The following NLN variants were observed in gnomAD, a reference collection of about 807,000 sequenced individuals.
The protein encoded by NLN is neurolysin, also known as neurolysin, mitochondrial.
NLN carries 64 observed loss-of-function variants against 79.9 expected under a neutral mutation model. The observed-to-expected ratio is 0.80, with a 90% CI of 0.65 to 0.99. The LOEUF (loss-of-function observed/expected upper bound fraction) is 0.99, where lower values mean the gene tolerates loss of function less well. Among genes scored for constraint, NLN ranks in the 50% least tolerant of loss-of-function variants. The pLI is 0.00. For missense variants in NLN, 835 were observed against 858.7 expected, an observed-to-expected ratio of 0.97 and a Z score of 0.34; for synonymous variants, 267 against 296.6, an observed-to-expected ratio of 0.90 and a Z score of 1.02.
chr5:65,776,192 G>T (rs1759675913), intron 3 of NLN, among the ~76,000 whole-genome samples: 1 of 152,214 alleles, frequency 6.6e-6, no homozygotes, highest in African/African-American at 2.4e-5. Context: ...GGCGGAGGTT[G>T]CAGTGAGCTG....
At chr5:65,724,759 T>G (rs1758419792) in intron 1 of NLN, among the ~76,000 whole-genome samples, 1 of 152,082 alleles carries the variant, frequency 6.6e-6, no homozygotes, top group African/African-American at 2.4e-5. Context: ...ATTTCCTGGT[T>G]TTGATAACAG....
intron 12 of NLN, among the ~76,000 whole-genome samples, chr5:65,821,322 T>C (rs1760791934): frequency 6.6e-6 from 1 of 152,170 alleles, no homozygotes; most frequent in South Asian, 2.1e-4. Context: ...CTCTGGGCCC[T>C]AGACCTGTCC....
At chr5:65,810,426 G>A (rs991650017) in intron 11 of NLN, among the ~76,000 whole-genome samples, 1 of 152,242 alleles carries the variant, frequency 6.6e-6, no homozygotes, top group East Asian at 1.9e-4. Context: ...AGCTGGGAGA[G>A]CCATTCGTGT....
chr5:65,810,386 T>C (rs1760518412), intron 11 of NLN, among the ~76,000 whole-genome samples: 1 of 152,210 alleles, frequency 6.6e-6, no homozygotes, highest in African/African-American at 2.4e-5. Flanking sequence ...TTTAGTGTAA[T>C]CAGGCATGAG....
chr5:65,751,631 T>C (rs995093328), intron 1 of NLN, among the ~76,000 whole-genome samples: 2 of 152,158 alleles, frequency 1.3e-5, no homozygotes, highest in African/African-American at 2.4e-5. Context: ...TGAGAGGAAG[T>C]AGAGGACTTT....
At chr5:65,746,232 TA>T (rs1331201678) in intron 1 of NLN, among the ~76,000 whole-genome samples, 1 of 151,154 alleles carries the variant, frequency 6.6e-6, no homozygotes, top group East Asian at 1.9e-4. Flanking sequence ...AAACAAAACC[TA>T]AAAAAAGACA....
At chr5:65,753,428 C>T (rs1012347631) in intron 1 of NLN, among the ~76,000 whole-genome samples, 18 of 152,056 alleles carry the variant, frequency 1.2e-4, no homozygotes, top group African/African-American at 4.3e-4. Flanking sequence ...GTGGGCGGAT[C>T]ACTTCCGGTT....
intron 1 of NLN, among the ~76,000 whole-genome samples, chr5:65,733,865 A>G (rs1758666635): frequency 1.5e-5 from 2 of 132,890 alleles, no homozygotes; most frequent in Non-Finnish European, 3.3e-5. Context: ...TGTTACTGGC[A>G]TGCACCACCA....
intron 8 of NLN, among the ~76,000 whole-genome samples, chr5:65,788,706 T>A (rs1339473929): frequency 6.6e-6 from 1 of 152,094 alleles, no homozygotes; most frequent in Non-Finnish European, 1.5e-5. Context: ...GTGTGGTGGC[T>A]CATGCCTGTA....
intron 3 of NLN, among the ~76,000 whole-genome samples, chr5:65,766,860 G>T (rs1049999425): frequency 6.6e-6 from 1 of 152,234 alleles, no homozygotes; most frequent in Non-Finnish European, 1.5e-5. Context: ...CCCTATGCAA[G>T]TCCAAAACCT....
intron 1 of NLN, among the ~76,000 whole-genome samples, chr5:65,740,714 C>T (rs1758848778): frequency 6.6e-6 from 1 of 151,654 alleles, no homozygotes; most frequent in Admixed American, 6.6e-5. Flanking sequence ...AATCGGTTGG[C>T]CATAAATGTG....
chr5:65,780,790 C>G (rs1328457055), intron 5 of NLN, among the ~76,000 whole-genome samples: 1 of 152,218 alleles, frequency 6.6e-6, no homozygotes, highest in African/African-American at 2.4e-5. Context: ...TCTCTTGCCT[C>G]AGCCTCCCAA....
At chr5:65,775,995 G>A (rs1271886195) in intron 3 of NLN, among the ~76,000 whole-genome samples, 1 of 152,190 alleles carries the variant, frequency 6.6e-6, no homozygotes, top group Non-Finnish European at 1.5e-5. Context: ...ACTCAAACCT[G>A]CAATCCCAGC....
chr5:65,799,148 C>T (rs1760229230), intron 9 of NLN, among the ~76,000 whole-genome samples: 1 of 152,170 alleles, frequency 6.6e-6, no homozygotes, highest in South Asian at 2.1e-4. Flanking sequence ...TCCCAAAATG[C>T]TGGGATTACA....
At chr5:65,732,980 G>A (rs1425959353) in intron 1 of NLN, 10 of 669,294 alleles carry the variant, frequency 1.5e-5, no homozygotes, top group Middle Eastern at 4.7e-4. Context: ...TAACACCTGT[G>A]TGGTAGTAAG....
In NLN at chr5:65,793,603, G is replaced by A. The variant is rs1760111875; in HGVS notation, c.1527+948G>A. ...GCCATGATTGTGCCACTGCACCACAGCCTGGGTGACAGAGCAGACCTTGAC... is the reference window on the plus strand; with the variant it reads ...GCCATGATTGTGCCACTGCACCACAACCTGGGTGACAGAGCAGACCTTGAC... On this transcript the variant is annotated intron_variant, in intron 9 of 12. Coordinates refer to ENST00000380985, the MANE Select transcript of NLN (RefSeq NM_020726.5). 2.0e-5 allele frequency: 3 copies of A among 150,206 alleles called. No individual in the cohort carries two copies. In the South Asian group the frequency reaches 6.3e-4, roughly 31 times the overall value. 9.3% of individuals were successfully genotyped at this position (150,206 alleles called of 1,614,324 possible).
Position 65,809,001 on chromosome 5 carries a change from AGTT to A in NLN, c.1528-513_1528-511del, listed in dbSNP as rs1434110684. ...AATTAATTTTGGTTAAGACCTAAGTAGTTAAGACCTAAGCAATAGAGTGATGAG... is the reference window on the plus strand; with the variant it reads ...AATTAATTTTGGTTAAGACCTAAGTAAAGACCTAAGCAATAGAGTGATGAG... On this transcript the variant is annotated intron_variant, in intron 9 of 12. Coordinates refer to ENST00000380985, the MANE Select transcript of NLN (RefSeq NM_020726.5). The A allele has an allele frequency of 2.0e-5, 3 of 152,486 alleles. No individual in the cohort carries two copies. The East Asian group carries it at 5.8e-4, about 29-fold the overall frequency. The allele number at this position is 152,486 out of a possible 1,614,324, so 9.4% of individuals were successfully genotyped here.
chr5:65,782,105 A>G (rs747392930), intron 6 of NLN, among the ~76,000 whole-genome samples: 8 of 152,224 alleles, frequency 5.3e-5, no homozygotes, highest in Non-Finnish European at 7.3e-5. Flanking sequence ...ATTCCTCAGG[A>G]ACTGGGAAGA....
chr5:65,824,629 A>G lies in NLN; in HGVS notation c.*1714A>G, dbSNP rs1326679899. The G allele has an allele frequency of 1.3e-5, 2 of 152,254 alleles. No homozygotes were observed. Among genetic ancestry groups the G allele is most frequent in the Non-Finnish European group, 2.9e-5 (2 of 68,042 alleles). 9.4% of individuals were successfully genotyped at this position (152,254 alleles called of 1,614,324 possible). On this transcript the variant is annotated 3_prime_UTR_variant, in exon 13 of 13. Coordinates refer to ENST00000380985, the MANE Select transcript of NLN (RefSeq NM_020726.5). ...ACCACTTGAAATCTTATTTCATAGA[A>G]AAACTAAATTGGTGTGGAAAGGCTG...
Sources: gnomAD v4.1 joint callset for allele counts (sites outside exome capture counted in the v4.1 genomes callset) on GRCh38, gnomAD v4.1.1 for gene constraint, MANE v1.5 for transcripts, NCBI Gene and HGNC (gene_info 2026-07-23, HGNC 2026-07-21) for gene names.